Variants in SMARCA4 observed in about 807,000 individuals in gnomAD.
SMARCA4 encodes the protein SWI/SNF-related matrix-associated actin-dependent regulator of chromatin subfamily A member 4.
A neutral mutation model predicts 193.9 loss-of-function variants in SMARCA4; 31 were observed. That is an observed-to-expected ratio of 0.16 (90% confidence interval 0.12 to 0.22). SMARCA4 has a LOEUF of 0.22. SMARCA4 is among the 10% of genes least tolerant of loss of function. The probability of loss-of-function intolerance (pLI) is 1.00; values close to 1 mark genes in which losing one functional copy is unlikely to be tolerated. For synonymous variants in SMARCA4, 942 were observed against 933.1 expected, an observed-to-expected ratio of 1.01 and a Z score of -0.17; for missense variants, 1,148 against 2,296.0, an observed-to-expected ratio of 0.50 and a Z score of 10.22.
At chr19:10,967,301 A>G (rs1283976709) in intron 1 of SMARCA4, among the ~76,000 whole-genome samples, 1 of 150,480 alleles carries the variant, frequency 6.6e-6, no homozygotes, top group Non-Finnish European at 1.5e-5. Context: ...TTTTTATTTT[A>G]TTTTATTTTA....
At chr19:10,996,040 G>A in intron 9 of SMARCA4, 173 bp from the exon 10 acceptor site, 1 of 752,482 alleles carries the variant, frequency 1.3e-6, no homozygotes, top group Non-Finnish European at 2.4e-6. Flanking sequence ...CCCTTGGTGG[G>A]TTTTGAGGAA....
At chr19:10,972,460 G>A (rs1363651135) in intron 1 of SMARCA4, among the ~76,000 whole-genome samples, 1 of 151,414 alleles carries the variant, frequency 6.6e-6, no homozygotes, top group Non-Finnish European at 1.5e-5. Context: ...TGTCATGTTT[G>A]GCTATTTCTG....
chr19:10,993,887 CCACTTCGGCCTCCCA>C (rs555961025), intron 8 of SMARCA4, among the ~76,000 whole-genome samples: 2 of 152,182 alleles, frequency 1.3e-5, no homozygotes, highest in African/African-American at 4.8e-5. Flanking sequence ...TGTGATCTGC[CCACTTCGGCCTCCCA>C]AAGTGCTGGG....
At chr19:10,995,796 A>G in intron 9 of SMARCA4, 1 of 360,046 alleles carries the variant, frequency 2.8e-6, no homozygotes, top group Non-Finnish European at 5.5e-6. Context: ...TCTGATCATG[A>G]AGGGGAGCCT....
chr19:11,037,317 C>T (rs1044010776), intron 29 of SMARCA4, among the ~76,000 whole-genome samples: 1 of 152,162 alleles, frequency 6.6e-6, no homozygotes, highest in Admixed American at 6.6e-5. Flanking sequence ...CCTCAGCAAC[C>T]CTTGCTGTTC....
intron 1 of SMARCA4, among the ~76,000 whole-genome samples, chr19:10,967,477 ATT>A (rs1555740564): frequency 6.7e-6 from 1 of 148,954 alleles, no homozygotes; most frequent in East Asian, 2.0e-4. Flanking sequence ...CGCCCGGCTA[ATT>A]TTTTGTATTT....
intron 21 of SMARCA4, 77 bp from the exon 22 acceptor site, chr19:11,025,345 A>G: frequency 1.1e-6 from 1 of 920,578 alleles, no homozygotes. Context: ...CCTTCTCCCA[A>G]CACCCACCCA....
rs1568510163 is a variant in SMARCA4, at chr19:11,033,517, G to A, written c.3774G>A (p.Glu1258=). The A allele has an allele frequency of 1.2e-6, 2 of 1,610,866 alleles. No homozygotes were observed. Among genetic ancestry groups the A allele is most frequent in the Admixed American group, 3.3e-5 (2 of 60,020 alleles). The change falls in exon 26 of 35, where the codon GAG becomes GAA. Residue 1258 remains glutamate (E), a splice_region_variant and synonymous_variant. Transcript: ENST00000344626. The surrounding 1 kb of genome is among the most constrained non-coding windows in gnomAD (Gnocchi z 9.8). ...QAILEHEEQD[E]SRHCSTGSGS... ...TCCTGGAGCACGAGGAGCAGGATGA[G>A]GTGAGCCCAGCACCGGCCCCGACCC...
intron 13 of SMARCA4, among the ~76,000 whole-genome samples, chr19:11,004,989 A>G (rs1309893324): frequency 2.0e-5 from 3 of 151,830 alleles, no homozygotes; most frequent in Admixed American, 6.6e-5. Context: ...ATGCCACCAA[A>G]CCCGGCTAAT....
In SMARCA4 at chr19:10,985,798, C is replaced by T. The variant is rs956532141; in HGVS notation, c.356-391C>T. On this transcript the variant is annotated intron_variant, in intron 3 of 34. Transcript: ENST00000344626. This position sits in a 1 kb window ranked among gnomAD's most constrained non-coding sequence, Gnocchi z 4.5. The stretch of plus-strand genomic sequence containing the variant: ...AATTGAGAAGTGATATGGTGGGTGA[C>T]TTTCCAAGGCCTTGCTGTCATCAGG... Among the ~76,000 whole-genome samples the T allele has an allele frequency of 1.3e-5, 2 of 152,144 alleles. No individual in the cohort carries two copies. Among genetic ancestry groups the T allele is most frequent in the African/African-American group, 4.8e-5 (2 of 41,422 alleles).
At chr19:11,039,549 C>T in intron 29 of SMARCA4, 1 of 1,593,098 alleles carries the variant, frequency 6.3e-7, no homozygotes, top group South Asian at 1.1e-5. Flanking sequence ...ACACGTGCGT[C>T]AAAGGTGGGG....
In SMARCA4 at chr19:10,985,276, A is replaced by G. The variant is rs1225673675; in HGVS notation, c.226A>G (p.Met76Val). The change falls in exon 3 of 35, where the codon ATG becomes GTG. Residue 76 changes from methionine to valine, a missense_variant. Physicochemically the swap from Met to Val is conservative, Grantham distance 21. Transcript: ENST00000344626. The surrounding 1 kb of genome is among the most constrained non-coding windows in gnomAD (Gnocchi z 4.5). ...CTTGCCATGGTCCCTCTCGCAGCCC[A>G]TGGAGTCCATGCATGAGAAGGGCAT... Reference protein sequence around the residue: ...QDNMHQMHKPMESMHEKGMSD... With the variant: ...QDNMHQMHKPVESMHEKGMSD... 6.2e-7 allele frequency: 1 copy of G among 1,613,794 alleles called. No homozygotes were observed. The highest frequency in any genetic ancestry group is 2.2e-5 in the East Asian group (1 of 44,836).
At position 11,058,387 on chromosome 19, in the gene SMARCA4, C is replaced by A. The variant is rs773896673; in HGVS notation, c.4533+24C>A. The A allele has an allele frequency of 6.7e-7, 1 of 1,496,422 alleles. No individual in the cohort carries two copies. The highest frequency in any genetic ancestry group is 9.3e-7 in the Non-Finnish European group (1 of 1,073,628). 92.7% of individuals were successfully genotyped at this position (1,496,422 alleles called of 1,614,324 possible). The stretch of plus-strand genomic sequence containing the variant: ...AGGTAACCCTGACGTTGTACCTGCG[C>A]CCCGCATGTGCCCGGAGGGGAGTCT... On this transcript the variant is annotated intron_variant, in intron 31 of 34. Coordinates refer to ENST00000344626, the MANE Select transcript of SMARCA4 (RefSeq NM_003072.5). This position sits in a 1 kb window ranked among gnomAD's most constrained non-coding sequence, Gnocchi z 5.8.
At chr19:10,982,134 G>A (rs1485466984) in intron 1 of SMARCA4, among the ~76,000 whole-genome samples, 1 of 151,746 alleles carries the variant, frequency 6.6e-6, no homozygotes, top group East Asian at 1.9e-4. Flanking sequence ...AAGGTCAGAC[G>A]TTCGAGACCA....
chr19:11,012,649 T>C, intron 15 of SMARCA4: 1 of 430,312 alleles, frequency 2.3e-6, no homozygotes, highest in Non-Finnish European at 4.4e-6. Context: ...GTGTGGGGCA[T>C]GGACAGGCAG....
At chr19:10,996,571 G>A (rs2145982897) in intron 11 of SMARCA4, 27 bp downstream of exon 11, 2 of 1,608,766 alleles carry the variant, frequency 1.2e-6, no homozygotes, top group East Asian at 2.2e-5. Context: ...TCTTGTGGAA[G>A]TATCAAGCTA....
chr19:11,047,819 A>C (rs911806577), intron 30 of SMARCA4: 1 of 152,204 alleles, frequency 6.6e-6, no homozygotes, highest in Non-Finnish European at 1.5e-5. Flanking sequence ...ACATAGCCCA[A>C]AGCCCCAACC....
chr19:10,966,031 G>A (rs1185535984), intron 1 of SMARCA4, among the ~76,000 whole-genome samples: 1 of 139,966 alleles, frequency 7.1e-6, no homozygotes, highest in Non-Finnish European at 1.5e-5. Flanking sequence ...TGCCCAGGCT[G>A]GAGCACAATG....
intron 14 of SMARCA4, among the ~76,000 whole-genome samples, chr19:11,009,236 G>C (rs2146213066): frequency 6.6e-6 from 1 of 151,702 alleles, no homozygotes; most frequent in Admixed American, 6.6e-5. Flanking sequence ...TGGCCAGGAT[G>C]GTCTTGATCT....
Sources: gnomAD v4.1 joint callset for allele counts (sites outside exome capture counted in the v4.1 genomes callset) on GRCh38, gnomAD v4.1.1 for gene constraint, Gnocchi (gnomAD v3.1) non-coding constraint, MANE v1.5 for transcripts, NCBI Gene and HGNC (gene_info 2026-07-23, HGNC 2026-07-21) for gene names.